Variants in MYLK observed in about 807,000 individuals in gnomAD.
MYLK encodes myosin light chain kinase, smooth muscle.
A neutral mutation model predicts 203.4 loss-of-function variants in MYLK; 106 were observed. The observed-to-expected ratio is 0.52, with a 90% CI of 0.45 to 0.61. The LOEUF (loss-of-function observed/expected upper bound fraction) is 0.61. Ranked by LOEUF, MYLK falls within the 20% of genes least tolerant of loss-of-function variation. The pLI is 0.00. For missense variants in MYLK, 2,072 were observed against 2,442.3 expected, an observed-to-expected ratio of 0.85 and a Z score of 3.20; for synonymous variants, 867 against 959.5, an observed-to-expected ratio of 0.90 and a Z score of 1.78.
At chr3:123,847,149 C>T (rs2148659377) in intron 2 of MYLK, among the ~76,000 whole-genome samples, 1 of 152,210 alleles carries the variant, frequency 6.6e-6, no homozygotes, top group East Asian at 1.9e-4. Flanking sequence ...ATAGCCTTTA[C>T]ATAGTATTGG....
chr3:123,737,512 A>G lies in MYLK; in HGVS notation c.620T>C (p.Val207Ala), dbSNP rs1047996567. ...CATGCCGTTCTTCTCAGACACAGACACACGGGCACTCGGCTGCAGTGGAAC... is the reference window on the plus strand; with the variant it reads ...CATGCCGTTCTTCTCAGACACAGACGCACGGGCACTCGGCTGCAGTGGAAC... ...GNVPLQPSAR[V>A]SVSEKNGMQV... The change falls in exon 8 of 34, where the codon GTG becomes GCG. Residue 207 changes from valine to alanine, a missense_variant. Coordinates refer to ENST00000360304, the MANE Select transcript of MYLK (RefSeq NM_053025.4). The G allele has an allele frequency of 6.2e-7, 1 of 1,614,136 alleles. No individual in the cohort carries two copies. Among genetic ancestry groups the G allele is most frequent in the Non-Finnish European group, 8.5e-7 (1 of 1,180,024 alleles).
At chr3:123,882,553 G>A (rs1050036713) in intron 1 of MYLK, among the ~76,000 whole-genome samples, 1 of 152,206 alleles carries the variant, frequency 6.6e-6, no homozygotes, top group African/African-American at 2.4e-5. Flanking sequence ...CCACTGTGGG[G>A]TGGTTCTCCA....
intron 14 of MYLK, 38 bp from the exon 15 acceptor site, chr3:123,708,933 G>A: frequency 6.3e-7 from 1 of 1,582,408 alleles, no homozygotes; most frequent in Non-Finnish European, 8.7e-7. Flanking sequence ...TGGTTAGGGA[G>A]GTCCTCCCCG....
intron 5 of MYLK, among the ~76,000 whole-genome samples, chr3:123,749,677 A>G (rs796958759): frequency 1.4e-4 from 21 of 152,308 alleles, no homozygotes; most frequent in African/African-American, 4.8e-4. Flanking sequence ...TGAAGCTACC[A>G]CTTTCTGGGT....
At chr3:123,821,789 A>ATTGCCAGAAAACCCAACCC (rs887384470) in intron 3 of MYLK, among the ~76,000 whole-genome samples, 6 of 152,142 alleles carry the variant, frequency 3.9e-5, no homozygotes, top group African/African-American at 1.4e-4. Flanking sequence ...CAATCTCCCA[A>ATTGCCAGAAAACCCAACCC]TTGCCAGAAA....
At chr3:123,725,903 C>T in intron 12 of MYLK, 41 bp downstream of exon 12, 2 of 1,605,806 alleles carry the variant, frequency 1.2e-6, no homozygotes, top group Admixed American at 1.7e-5. Flanking sequence ...GCCAAAGGGC[C>T]CAGGGGATGG....
At chr3:123,686,262 G>C (rs1326132051) in intron 19 of MYLK, among the ~76,000 whole-genome samples, 1 of 152,148 alleles carries the variant, frequency 6.6e-6, no homozygotes. Flanking sequence ...GGAAGATGGA[G>C]GTGTGAGGAA....
chr3:123,838,743 CACT>C, intron 2 of MYLK, among the ~76,000 whole-genome samples: 1 of 152,250 alleles, frequency 6.6e-6, no homozygotes, highest in East Asian at 1.9e-4. Flanking sequence ...CTAGAGCACA[CACT>C]ACATTTTTAA....
At chr3:123,851,586 A>G (rs2030810208) in intron 2 of MYLK, among the ~76,000 whole-genome samples, 1 of 152,206 alleles carries the variant, frequency 6.6e-6, no homozygotes, top group Non-Finnish European at 1.5e-5. Context: ...ATTTTTGCAC[A>G]TTGATTTTGT....
chr3:123,733,061 C>G lies in MYLK; in HGVS notation c.1351G>C (p.Gly451Arg). 6.2e-7 allele frequency: 1 copy of G among 1,614,032 alleles called. No individual in the cohort carries two copies. Among genetic ancestry groups the G allele is most frequent in the Non-Finnish European group, 8.5e-7 (1 of 1,179,948 alleles). ...CCTTCCTGTCTCCTCACGGGGGTGC[C>G]TTCCAGGAACCAGGCCACTTCAGGC... ...PKPEVAWFLE[G>R]TPVRRQEGSI... The change falls in exon 11 of 34, where the codon GGC (glycine) becomes CGC (arginine). Residue 451 changes from glycine to arginine, a missense_variant. This residue lies in a region of MYLK where 683 missense variants were observed against 643.8 expected (regional missense o/e 1.06). Coordinates refer to ENST00000360304, the MANE Select transcript of MYLK (RefSeq NM_053025.4).
At chr3:123,732,611 G>A (rs1003262384) in intron 11 of MYLK, among the ~76,000 whole-genome samples, 8 of 152,094 alleles carry the variant, frequency 5.3e-5, no homozygotes, top group East Asian at 1.9e-4. Flanking sequence ...CGTGAGTCAC[G>A]GCACTATTCA....
chr3:123,762,156 T>C (rs2063555986), intron 4 of MYLK, among the ~76,000 whole-genome samples: 1 of 152,206 alleles, frequency 6.6e-6, no homozygotes, highest in Admixed American at 6.5e-5. Context: ...GGCAATCACC[T>C]TCAATGCTTT....
In MYLK at chr3:123,657,283, C is replaced by T. The variant is rs756697460; in HGVS notation, c.4131G>A (p.Thr1377=). ...TGCGGCATGTGGCTAGTTCCTTCCA[C>T]GTCTTGTTGGCTGAGTCCCAGATCT... ...SIEIWDSANK[T]WKELATCRST... is the part of the protein sequence containing the mutation. Residue 1377 remains threonine, a synonymous_variant, in exon 24 of 34, where the codon ACG becomes ACA. Transcript: ENST00000360304. 24 of 1,614,006 alleles carry T rather than the reference C, an allele frequency of 1.5e-5. No homozygotes were observed. Among genetic ancestry groups the T allele is most frequent in the South Asian group, 6.6e-5 (6 of 91,080 alleles).
At chr3:123,650,059 G>A (rs115809539) in intron 24 of MYLK, among the ~76,000 whole-genome samples, 97 of 152,274 alleles carry the variant, frequency 6.4e-4, no homozygotes, top group African/African-American at 2.3e-3. Context: ...GGGTTCCCCG[G>A]AACAGGGGGG....
chr3:123,828,669 A>C (rs1341198429), intron 3 of MYLK, among the ~76,000 whole-genome samples: 1 of 152,198 alleles, frequency 6.6e-6, no homozygotes, highest in East Asian at 1.9e-4. Flanking sequence ...ATAGTGAAAA[A>C]ACCTACAGGA....
At chr3:123,732,803 G>T in intron 11 of MYLK, 93 bp downstream of exon 11, 1 of 1,241,918 alleles carries the variant, frequency 8.1e-7, no homozygotes, top group Non-Finnish European at 1.2e-6. Context: ...CAAGGCAGGG[G>T]GCTATAGGAG....
At chr3:123,733,491 G>T (rs1045169811) in intron 10 of MYLK, among the ~76,000 whole-genome samples, 196 bp downstream of exon 10, 1 of 152,156 alleles carries the variant, frequency 6.6e-6, no homozygotes, top group Non-Finnish European at 1.5e-5. Context: ...ACTGTTAGGG[G>T]TCTCTCCAGA....
chr3:123,730,667 T>C (rs2062444939), intron 11 of MYLK, among the ~76,000 whole-genome samples: 2 of 152,172 alleles, frequency 1.3e-5, no homozygotes, highest in African/African-American at 4.8e-5. Flanking sequence ...AGGCCACATA[T>C]TGAATGATTC....
chr3:123,683,474 C>A (rs1033466577), intron 19 of MYLK, among the ~76,000 whole-genome samples: 1 of 152,114 alleles, frequency 6.6e-6, no homozygotes, highest in African/African-American at 2.4e-5. Flanking sequence ...TGGGAACATA[C>A]TTCTCCCAGC....
Sources: allele counts gnomAD v4.1 joint callset (sites outside exome capture counted in the v4.1 genomes callset), GRCh38; gene constraint gnomAD v4.1.1; regional missense constraint gnomAD v4.1.1; transcripts MANE v1.5; gene names NCBI Gene and HGNC (gene_info 2026-07-23, HGNC 2026-07-21).